The following CEP128 variants were observed in gnomAD, a reference collection of about 807,000 sequenced individuals.
CEP128 encodes the protein centrosomal protein 128kDa.
Under a neutral mutation model 156.7 loss-of-function variants are expected in CEP128, and 132 were observed. The ratio of observed to expected loss-of-function variants is 0.84; its 90% confidence interval spans 0.73 to 0.97. The LOEUF (loss-of-function observed/expected upper bound fraction) is 0.97, where lower values mean the gene tolerates loss of function less well. Among genes scored for constraint, CEP128 ranks in the 50% least tolerant of loss-of-function variants. The pLI, the probability that CEP128 is intolerant of heterozygous loss-of-function variation, is 0.00. For missense variants in CEP128, 1,252 were observed against 1,281.9 expected (o/e 0.98, Z 0.36); for synonymous variants, 469 against 448.9 (o/e 1.04, Z -0.57).
chr14:80,659,539 T>C (rs1305520875), intron 19 of CEP128, among the ~76,000 whole-genome samples: 1 of 152,168 alleles, frequency 6.6e-6, no homozygotes, highest in Admixed American at 6.6e-5. Context: ...TAACATGCCT[T>C]ACTGATATCT....
At chr14:80,691,345 C>A (rs148066070) in intron 19 of CEP128, among the ~76,000 whole-genome samples, 1 of 152,248 alleles carries the variant, frequency 6.6e-6, no homozygotes, top group East Asian at 1.9e-4. Flanking sequence ...GGGATGGTAT[C>A]TGGAAAGAAG....
chr14:80,616,296 A>G (rs899756058), intron 19 of CEP128, among the ~76,000 whole-genome samples: 13 of 152,238 alleles, frequency 8.5e-5, no homozygotes, highest in African/African-American at 2.9e-4. Context: ...GCTAAAATGT[A>G]TGAGTGCTCA....
chr14:80,486,033 G>A (rs993433919), downstream of CEP128, among the ~76,000 whole-genome samples: 1 of 152,188 alleles, frequency 6.6e-6, no homozygotes, highest in Non-Finnish European at 1.5e-5. Flanking sequence ...TGCAAGAGCT[G>A]TACATTTTAG....
At chr14:80,911,700 T>C (rs1389132104) in intron 4 of CEP128, among the ~76,000 whole-genome samples, 1 of 152,212 alleles carries the variant, frequency 6.6e-6, no homozygotes, top group Non-Finnish European at 1.5e-5. Context: ...AGATGATCTA[T>C]GTAAAATAAT....
rs565414684 is a variant in CEP128 at position 80,807,670 on chromosome 14, T to C, written c.1210-14560A>G. ...AGAGCTCCTTTATCCACATGAACCC[T>C]AACACTAGCAAGGACAGAGATCTGA... On this transcript the variant is annotated intron_variant, in intron 13 of 24. Transcript: ENST00000555265. 2.0e-5 allele frequency among the ~76,000 whole-genome samples: 3 copies of C among 152,290 alleles called. No homozygotes were observed. The South Asian group carries it at 6.2e-4, about 32-fold the overall frequency.
At chr14:80,501,681 T>G (rs896843049) in intron 24 of CEP128, among the ~76,000 whole-genome samples, 4 of 151,748 alleles carry the variant, frequency 2.6e-5, no homozygotes, top group Non-Finnish European at 5.9e-5. Flanking sequence ...ATTTTTTGTG[T>G]TTTTAGTAGA....
intron 16 of CEP128, among the ~76,000 whole-genome samples, chr14:80,776,045 G>A (rs1900773160): frequency 6.6e-6 from 1 of 152,068 alleles, no homozygotes; most frequent in South Asian, 2.1e-4. Flanking sequence ...CGTTGGCCAG[G>A]CTGGTCTAGA....
At chr14:80,811,325 T>G (rs1259986927) in intron 13 of CEP128, among the ~76,000 whole-genome samples, 1 of 152,192 alleles carries the variant, frequency 6.6e-6, no homozygotes. Flanking sequence ...CAAATGGTAT[T>G]TCTGGTTCTA....
rs114239836 is a variant in CEP128 at position 80,536,878 on chromosome 14, C to T, written c.2881-5992G>A. ...TATGAGCGGTCTAAAAAATCAGATGCCCACTTAGAAGTGTTTACATGTGTA... is the reference window on the plus strand; with the variant it reads ...TATGAGCGGTCTAAAAAATCAGATGTCCACTTAGAAGTGTTTACATGTGTA... On this transcript the variant is annotated intron_variant, in intron 21 of 24. Transcript: ENST00000555265. Among the ~76,000 whole-genome samples, 788 of 152,232 alleles carry T rather than the reference C, an allele frequency of 5.2e-3. 6 individuals are homozygous for T. Among genetic ancestry groups the T allele is most frequent in the African/African-American group, 0.018 (754 of 41,510 alleles).
chr14:80,704,850 T>C (rs1897186720), intron 19 of CEP128, among the ~76,000 whole-genome samples: 1 of 151,950 alleles, frequency 6.6e-6, no homozygotes, highest in South Asian at 2.1e-4. Flanking sequence ...TCTTTTATTG[T>C]AGAAATTTTC....
chr14:80,532,166 T>C (rs1350624732), intron 21 of CEP128, among the ~76,000 whole-genome samples: 2 of 152,158 alleles, frequency 1.3e-5, no homozygotes. Context: ...TTTTGTGGAA[T>C]GGGGAATCTC....
chr14:80,657,221 C>A (rs530035514), intron 19 of CEP128, among the ~76,000 whole-genome samples: 1 of 151,138 alleles, frequency 6.6e-6, no homozygotes, highest in African/African-American at 2.4e-5. Context: ...TACGCCACTG[C>A]GCTCCAGCCT....
At chr14:80,647,051 A>ATGTGTGTGTGTG (rs1566831547) in intron 19 of CEP128, among the ~76,000 whole-genome samples, 20 of 8,158 alleles carry the variant, frequency 2.5e-3, no homozygotes, top group East Asian at 0.02. Flanking sequence ...ATATATATAT[A>ATGTGTGTGTGTG]TATATATATA....
At chr14:80,488,376 T>A (rs371310047), downstream of CEP128, among the ~76,000 whole-genome samples, 2 of 149,302 alleles carry the variant, frequency 1.3e-5, no homozygotes, top group South Asian at 2.2e-4. Context: ...AAGAAACACA[T>A]GAAAAAGTGG....
intron 19 of CEP128, among the ~76,000 whole-genome samples, chr14:80,654,942 C>A (rs1030963416): frequency 6.6e-6 from 1 of 152,240 alleles, no homozygotes; most frequent in African/African-American, 2.4e-5. Context: ...CTGGTATAAA[C>A]AATCATGCAC....
intron 20 of CEP128, among the ~76,000 whole-genome samples, chr14:80,577,412 T>G (rs1347814708): frequency 6.6e-6 from 1 of 152,158 alleles, no homozygotes; most frequent in Non-Finnish European, 1.5e-5. Flanking sequence ...ATCAACTTCC[T>G]CCTATATCAC....
intron 19 of CEP128, among the ~76,000 whole-genome samples, chr14:80,644,147 C>T (rs1298539644): frequency 6.6e-6 from 1 of 152,184 alleles, no homozygotes; most frequent in African/African-American, 2.4e-5. Flanking sequence ...CAAAGAAGCA[C>T]TCTTCCCTAC....
upstream of CEP128, among the ~76,000 whole-genome samples, chr14:80,944,316 C>T (rs67065081): frequency 0.56 from 84,220 of 151,524 alleles, 23,900 homozygotes; most frequent in East Asian, 0.69. Context: ...GGGGGAGGAA[C>T]CTTGTGAGGG....
chr14:80,778,070 C>T (rs1900895928), intron 15 of CEP128, 24 bp from the exon 16 acceptor site: 1 of 1,607,048 alleles, frequency 6.2e-7, no homozygotes, highest in Non-Finnish European at 8.5e-7. Flanking sequence ...AAGGAAAAAA[C>T]AGAAAGTCCA....
Sources: allele counts gnomAD v4.1 joint callset (sites outside exome capture counted in the v4.1 genomes callset), GRCh38; gene constraint gnomAD v4.1.1; transcripts MANE v1.5; gene names NCBI Gene and HGNC (gene_info 2026-07-23, HGNC 2026-07-21).